The following CBFA2T3 variants were observed in gnomAD, a reference collection of about 807,000 sequenced individuals.
CBFA2T3 encodes CBFA2/RUNX1 partner transcriptional co-repressor 3, also known as transcriptional corepressor CBFA2T3.
Under a neutral mutation model 58.6 loss-of-function variants are expected in CBFA2T3, and 31 were observed. That is an observed-to-expected ratio of 0.53 (90% CI 0.40 to 0.71). The LOEUF is 0.71. Among genes scored for constraint, CBFA2T3 ranks in the 30% least tolerant of loss-of-function variants. CBFA2T3 has a pLI of 0.00. For missense variants in CBFA2T3, 1,076 were observed against 963.1 expected, an observed-to-expected ratio of 1.12 and a Z score of -1.55; for synonymous variants, 531 against 421.9, an observed-to-expected ratio of 1.26 and a Z score of -3.17.
intron 1 of CBFA2T3, among the ~76,000 whole-genome samples, chr16:88,947,819 C>G (rs997610846): frequency 1.3e-5 from 2 of 152,190 alleles, no homozygotes; most frequent in African/African-American, 4.8e-5. Context: ...GGGGCTGAGG[C>G]AGTGGGATTG....
chr16:88,910,883 T>TGCCCCCAGCCCCCA (rs71276836), intron 1 of CBFA2T3, among the ~76,000 whole-genome samples: 9 of 151,022 alleles, frequency 6.0e-5, no homozygotes, highest in Admixed American at 4.6e-4. Context: ...CTCCCTCCCC[T>TGCCCCCAGCCCCCA]GCCCCCAGCC....
At chr16:88,895,052 G>A (rs1969831016) in intron 3 of CBFA2T3, among the ~76,000 whole-genome samples, 1 of 152,186 alleles carries the variant, frequency 6.6e-6, no homozygotes, top group Non-Finnish European at 1.5e-5. Context: ...GCCTCTGTCT[G>A]GACGGGAGGG....
chr16:88,879,802 C>CAGGGCA (rs1360853759), intron 10 of CBFA2T3: 1 of 273,316 alleles, frequency 3.7e-6, no homozygotes, highest in African/African-American at 2.1e-5. Flanking sequence ...TGCACCCCTG[C>CAGGGCA]AGGGCAAGGG....
intron 1 of CBFA2T3, among the ~76,000 whole-genome samples, chr16:88,962,975 C>G (rs774350878): frequency 1.3e-5 from 2 of 152,228 alleles, no homozygotes; most frequent in Non-Finnish European, 1.5e-5. Context: ...CGCCACCCCA[C>G]TCTGTGGTTT....
chr16:88,899,505 G>A (rs1048190874), intron 2 of CBFA2T3, among the ~76,000 whole-genome samples: 9 of 152,158 alleles, frequency 5.9e-5, no homozygotes, highest in Non-Finnish European at 1.2e-4. Flanking sequence ...ATGACCCCAA[G>A]GCGGGCTGGG....
chr16:88,971,546 G>A (rs1424998154), intron 1 of CBFA2T3, among the ~76,000 whole-genome samples: 4 of 152,260 alleles, frequency 2.6e-5, no homozygotes, highest in Admixed American at 1.3e-4. Context: ...CTGGGCAACT[G>A]CCCGACAGGC....
At chr16:88,881,198 G>T in intron 9 of CBFA2T3, 93 bp downstream of exon 9, 1 of 1,092,096 alleles carries the variant, frequency 9.2e-7, no homozygotes, top group Non-Finnish European at 1.4e-6. Flanking sequence ...GTTCTGCCTG[G>T]TGTTTCGTTG....
chr16:88,878,342 G>C (rs1226646084), intron 11 of CBFA2T3, among the ~76,000 whole-genome samples: 1 of 152,228 alleles, frequency 6.6e-6, no homozygotes, highest in African/African-American at 2.4e-5. Flanking sequence ...AATCGATGGG[G>C]CTCCATCTCC....
In CBFA2T3 at chr16:88,898,131, G is replaced by T. The variant is rs757708128; in HGVS notation, c.326C>A (p.Thr109Lys). ...GCCATGAAAACGGCCGTGGGGCAGC[G>T]TCGCAGGCCCGTCCTCTCGATCTGT... Reference protein sequence around the residue: ...PHTHREDGPATLPHGRFHGCL... With the variant: ...PHTHREDGPAKLPHGRFHGCL... The change falls in exon 3 of 12, where the codon ACG becomes AAG. Residue 109 changes from threonine (T) to lysine (K), a missense_variant. Thr to Lys is a moderately conservative substitution (Grantham distance 78). Coordinates refer to ENST00000268679, the MANE Select transcript of CBFA2T3 (RefSeq NM_005187.6). 1.1e-5 allele frequency: 17 copies of T among 1,612,914 alleles called. No homozygotes were observed. The highest frequency in any genetic ancestry group is 1.4e-5 in the Non-Finnish European group (17 of 1,179,566).
At chr16:88,896,170 G>C (rs1034089891) in intron 3 of CBFA2T3, among the ~76,000 whole-genome samples, 1 of 152,162 alleles carries the variant, frequency 6.6e-6, no homozygotes, top group Admixed American at 6.5e-5. Flanking sequence ...ACTAATCGCA[G>C]GTCAGATATG....
At chr16:88,924,518 C>T (rs1029343118) in intron 1 of CBFA2T3, among the ~76,000 whole-genome samples, 6 of 151,910 alleles carry the variant, frequency 3.9e-5, no homozygotes, top group Admixed American at 1.3e-4. Context: ...GAAGAGCGGG[C>T]GGAGGGCCCA....
rs1414655498 is a variant in CBFA2T3 at position 88,881,350 on chromosome 16, G to A, written c.1343C>T (p.Pro448Leu). The stretch of plus-strand genomic sequence containing the variant: ...GCGGGGCCGGGCCGCGGCGGGAGCG[G>A]GGCCCTTCTTTGTGTCCTCGGCGTC... ...YSDAEDTKKG[P>L]APAAARPRSS... The change falls in exon 9 of 12, where the codon CCC becomes CTC. Residue 448 changes from proline to leucine, a missense_variant. Pro to Leu is a moderately conservative substitution (Grantham distance 98, BLOSUM62 -3). Transcript: ENST00000268679. 6.3e-7 allele frequency: 1 copy of A among 1,585,058 alleles called. No individual in the cohort carries two copies. Among genetic ancestry groups the A allele is most frequent in the African/African-American group, 1.3e-5 (1 of 74,456 alleles).
chr16:88,952,744 G>A (rs1972110021), intron 1 of CBFA2T3, among the ~76,000 whole-genome samples: 1 of 152,134 alleles, frequency 6.6e-6, no homozygotes, highest in Non-Finnish European at 1.5e-5. Context: ...CTGAGTCTGG[G>A]AGAGACGCCT....
chr16:88,928,038 C>T (rs1167121558), intron 1 of CBFA2T3, among the ~76,000 whole-genome samples: 2 of 152,196 alleles, frequency 1.3e-5, no homozygotes, highest in African/African-American at 4.8e-5. Flanking sequence ...CTGACCGAGC[C>T]CCTGGCACCC....
At chr16:88,963,276 C>CGTCTTCTGCCAGGGGTGGGCGCTT (rs1972415083) in intron 1 of CBFA2T3, among the ~76,000 whole-genome samples, 4 of 146,624 alleles carry the variant, frequency 2.7e-5, no homozygotes, top group Non-Finnish European at 3.0e-5. Context: ...GGTGGGCGCT[C>CGTCTTCTGCCAGGGGTGGGCGCTT]GTCTTCTGCC....
In CBFA2T3 at chr16:88,883,784, G is replaced by A. The variant is rs532384251; in HGVS notation, c.1118-1023C>T. On this transcript the variant is annotated intron_variant, in intron 7 of 11. Transcript: ENST00000268679. The stretch of plus-strand genomic sequence containing the variant: ...CTCTTCTGCGGTGGCTGTGCCCACG[G>A]GAGACGTGAGTGACGCCCGGCAGTG... 7.3e-5 allele frequency: 11 copies of A among 151,406 alleles called. No homozygotes were observed. In the East Asian group the frequency reaches 2.1e-3, roughly 29 times the overall value. 9.4% of individuals were successfully genotyped at this position (151,406 alleles called of 1,614,324 possible).
In CBFA2T3 at chr16:88,882,646, G is replaced by C. The variant is rs1431393871; in HGVS notation, c.1203+30C>G. On this transcript the variant is annotated intron_variant, in intron 8 of 11. Coordinates refer to ENST00000268679, the MANE Select transcript of CBFA2T3 (RefSeq NM_005187.6). ...CGTGGCTGTGCGCCTGGGCATGGCT[G>C]TGTGGGCGTGGCTGTGTGTGGACAC... 1.2e-5 allele frequency: 18 copies of C among 1,453,130 alleles called. No homozygotes were observed. In the South Asian group the frequency reaches 1.8e-4, roughly 15 times the overall value. The allele number at this position is 1,453,130 out of a possible 1,614,324, so 90.0% of individuals were successfully genotyped here. A position where few individuals can be genotyped will look rare whatever the true frequency, so the allele number is the denominator to read the frequency against.
At chr16:88,968,371 G>A (rs1384592001) in intron 1 of CBFA2T3, among the ~76,000 whole-genome samples, 2 of 152,222 alleles carry the variant, frequency 1.3e-5, no homozygotes, top group Non-Finnish European at 2.9e-5. Context: ...AGGTGGGGAC[G>A]GCCCCTTGCA....
Position 88,876,902 on chromosome 16 carries a change from C to T in CBFA2T3, c.*74G>A. ...GGCAGGCCAGGCATCGGAGGCCAGGCACAGCATCCGGTGGGCCTGGAGCTG... is the reference window on the plus strand; with the variant it reads ...GGCAGGCCAGGCATCGGAGGCCAGGTACAGCATCCGGTGGGCCTGGAGCTG... On this transcript the variant is annotated 3_prime_UTR_variant, in exon 12 of 12. Transcript: ENST00000268679. 1 of 1,214,848 alleles carries T rather than the reference C, an allele frequency of 8.2e-7. No individual in the cohort carries two copies. The highest frequency in any genetic ancestry group is 1.1e-6 in the Non-Finnish European group (1 of 923,966). The allele number at this position is 1,214,848 out of a possible 1,614,324, so 75.3% of individuals were successfully genotyped here. A position where few individuals can be genotyped will look rare whatever the true frequency, so the allele number is the denominator to read the frequency against.
Sources: allele counts gnomAD v4.1 joint callset (sites outside exome capture counted in the v4.1 genomes callset), GRCh38; gene constraint gnomAD v4.1.1; transcripts MANE v1.5; gene names NCBI Gene and HGNC (gene_info 2026-07-23, HGNC 2026-07-21).